Variants in CDH12 observed in about 807,000 individuals in gnomAD.
The protein encoded by CDH12 is cadherin-12.
Under a neutral mutation model 74.1 loss-of-function variants are expected in CDH12, and 41 were observed. The ratio of observed to expected loss-of-function variants is 0.55; its 90% confidence interval spans 0.43 to 0.72. The LOEUF is 0.72. CDH12 is among the 30% of genes least tolerant of loss of function. CDH12 has a pLI of 0.00. For missense variants in CDH12, 945 were observed against 977.2 expected (o/e 0.97, Z 0.44); for synonymous variants, 399 against 355.0 (o/e 1.12, Z -1.39).
chr5:22,309,576 T>C (rs1370946615), intron 3 of CDH12, among the ~76,000 whole-genome samples: 1 of 152,038 alleles, frequency 6.6e-6, no homozygotes, highest in Non-Finnish European at 1.5e-5. Context: ...CAGTCAACTG[T>C]GTGTGTGTAT....
chr5:22,455,204 C>T (rs1745215591), intron 2 of CDH12, among the ~76,000 whole-genome samples: 1 of 152,136 alleles, frequency 6.6e-6, no homozygotes, highest in South Asian at 2.1e-4. Context: ...ATCGTCATTG[C>T]TGTTGTCCCA....
intron 3 of CDH12, among the ~76,000 whole-genome samples, chr5:22,388,875 C>A (rs566819423): frequency 4.0e-4 from 61 of 152,064 alleles, no homozygotes; most frequent in African/African-American, 1.4e-3. Flanking sequence ...TATAGCTGAA[C>A]GTCTTATATT....
At chr5:22,723,534 G>C (rs770492805) in intron 1 of CDH12, among the ~76,000 whole-genome samples, 1 of 151,974 alleles carries the variant, frequency 6.6e-6, no homozygotes, top group Non-Finnish European at 1.5e-5. Context: ...TGCTGTGAAG[G>C]CATTAGAGAC....
At chr5:22,217,103 A>T (rs909953441) in intron 3 of CDH12, among the ~76,000 whole-genome samples, 1 of 151,862 alleles carries the variant, frequency 6.6e-6, no homozygotes, top group African/African-American at 2.4e-5. Flanking sequence ...AAATAACATT[A>T]TAGCAAGGAT....
chr5:21,968,512 G>A (rs562360369), intron 6 of CDH12, among the ~76,000 whole-genome samples: 19 of 152,274 alleles, frequency 1.2e-4, no homozygotes, highest in East Asian at 5.8e-4. Context: ...AAGGCAGAAC[G>A]AAGAGCCTAG....
intron 1 of CDH12, among the ~76,000 whole-genome samples, chr5:22,618,019 TC>T (rs1293881810): frequency 3.3e-5 from 5 of 152,240 alleles, no homozygotes; most frequent in African/African-American, 4.8e-5. Flanking sequence ...AAACTGAGAA[TC>T]GGAAGTCAAC....
intron 7 of CDH12, among the ~76,000 whole-genome samples, chr5:21,846,339 C>A (rs1750165534): frequency 6.6e-6 from 1 of 152,132 alleles, no homozygotes; most frequent in African/African-American, 2.4e-5. Flanking sequence ...CTTTCTCTTT[C>A]TTTTGCCTAT....
At chr5:22,410,474 T>C (rs1180737364) in intron 2 of CDH12, among the ~76,000 whole-genome samples, 1 of 152,088 alleles carries the variant, frequency 6.6e-6, no homozygotes, top group Non-Finnish European at 1.5e-5. Flanking sequence ...GAGGTTTTGC[T>C]GGGTTTCCCC....
chr5:22,720,569 G>A (rs1412403449), intron 1 of CDH12, among the ~76,000 whole-genome samples: 1 of 152,158 alleles, frequency 6.6e-6, no homozygotes, highest in Non-Finnish European at 1.5e-5. Flanking sequence ...GTAACAGTCA[G>A]AGGTTGGAAC....
Position 22,029,770 on chromosome 5 carries a change from C to A in CDH12, c.231+48676G>T, listed in dbSNP as rs1288994582. Among the ~76,000 whole-genome samples, 577 of 151,838 alleles carry A rather than the reference C, an allele frequency of 3.8e-3. 3 individuals carry two copies. Among genetic ancestry groups the A allele is most frequent in the Middle Eastern group, 0.017 (5 of 294 alleles). Reference sequence around the variant, plus strand: ...CAGCCATCCCATTACTGGGTATATACCCAAAGGACTATAAATCATGCTGCT... The same window carrying A: ...CAGCCATCCCATTACTGGGTATATAACCAAAGGACTATAAATCATGCTGCT... On this transcript the variant is annotated intron_variant, in intron 5 of 14. Transcript: ENST00000382254.
rs535241601 is a variant in CDH12 at position 22,029,193 on chromosome 5, T to C, written c.231+49253A>G. ...AACCTAGGCATTACCATTCAGGACA[T>C]AGGCATGGGCAAGGACTTCATGTCT... On this transcript the variant is annotated intron_variant, in intron 5 of 14. Coordinates refer to ENST00000382254, the MANE Select transcript of CDH12 (RefSeq NM_004061.5). 3.7e-3 allele frequency among the ~76,000 whole-genome samples: 566 copies of C among 152,212 alleles called. 8 individuals carry two copies. The highest frequency in any genetic ancestry group is 0.013 in the African/African-American group (531 of 41,512).
At chr5:21,928,810 C>A (rs113973437) in intron 6 of CDH12, among the ~76,000 whole-genome samples, 3,264 of 151,984 alleles carry the variant, frequency 0.021, 55 homozygotes, top group Middle Eastern at 0.051. Flanking sequence ...TGGCTAATCC[C>A]CAAAATGGAA....
At chr5:22,831,025 G>C (rs1736578800) in intron 1 of CDH12, among the ~76,000 whole-genome samples, 1 of 151,822 alleles carries the variant, frequency 6.6e-6, no homozygotes, top group Admixed American at 6.6e-5. Context: ...ATAATTTAGT[G>C]CCTATTGTAT....
intron 3 of CDH12, among the ~76,000 whole-genome samples, chr5:22,397,786 A>G (rs1370748432): frequency 6.6e-6 from 1 of 152,056 alleles, no homozygotes; most frequent in Non-Finnish European, 1.5e-5. Flanking sequence ...AAAGGAGGTA[A>G]TTAAGTTAAA....
At chr5:21,992,269 G>A (rs1757785917) in intron 5 of CDH12, among the ~76,000 whole-genome samples, 1 of 152,128 alleles carries the variant, frequency 6.6e-6, no homozygotes, top group Non-Finnish European at 1.5e-5. Context: ...AGATGTCACA[G>A]ATGCTATAAC....
intron 1 of CDH12, among the ~76,000 whole-genome samples, chr5:22,543,951 G>T (rs1196357745): frequency 6.6e-6 from 1 of 151,660 alleles, no homozygotes; most frequent in African/African-American, 2.4e-5. Flanking sequence ...CAGTGCCGTG[G>T]ACAAGTCTGT....
intron 1 of CDH12, among the ~76,000 whole-genome samples, chr5:22,780,077 G>C (rs1031723782): frequency 3.3e-5 from 5 of 152,050 alleles, no homozygotes; most frequent in African/African-American, 9.7e-5. Context: ...GCTAATGCTG[G>C]CTTTTGGCTT....
At chr5:22,084,962 A>G (rs1742970359) in intron 4 of CDH12, among the ~76,000 whole-genome samples, 1 of 152,202 alleles carries the variant, frequency 6.6e-6, no homozygotes. Flanking sequence ...TCAGTACCCT[A>G]TGGAAATATG....
intron 8 of CDH12, among the ~76,000 whole-genome samples, chr5:21,826,744 T>C (rs1430196078): frequency 5.3e-5 from 8 of 152,194 alleles, no homozygotes; most frequent in Non-Finnish European, 1.2e-4. Flanking sequence ...GAATAGACAC[T>C]TAGTAACAGC....
Sources: gnomAD v4.1 joint callset for allele counts (sites outside exome capture counted in the v4.1 genomes callset) on GRCh38, gnomAD v4.1.1 for gene constraint, MANE v1.5 for transcripts, NCBI Gene and HGNC (gene_info 2026-07-23, HGNC 2026-07-21) for gene names.